Variants in FARP1 observed in about 807,000 individuals in gnomAD.
The protein encoded by FARP1 is FERM, ARH/RhoGEF and pleckstrin domain protein 1.
Under a neutral mutation model 128.8 loss-of-function variants are expected in FARP1, and 52 were observed. The observed-to-expected ratio is 0.40, with a 90% CI of 0.32 to 0.51. FARP1 has a LOEUF of 0.51. FARP1 is among the 20% of genes least tolerant of loss of function. FARP1 has a pLI of 0.45. For missense variants in FARP1, 1,333 were observed against 1,367.9 expected (o/e 0.97, Z 0.40); for synonymous variants, 580 against 551.8 (o/e 1.05, Z -0.72).
intron 2 of FARP1, among the ~76,000 whole-genome samples, chr13:98,235,604 T>C (rs1265039504): frequency 1.3e-5 from 2 of 152,100 alleles, no homozygotes; most frequent in African/African-American, 4.8e-5. Flanking sequence ...AAGCTCACCA[T>C]CTTAATCATT....
At chr13:98,308,008 C>CA (rs1160494693) in intron 2 of FARP1, among the ~76,000 whole-genome samples, 12 of 105,626 alleles carry the variant, frequency 1.1e-4, no homozygotes, top group Non-Finnish European at 1.7e-4. Context: ...CTGCCTGCCC[C>CA]CCTCCGCCCG....
chr13:98,238,043 G>C (rs573924954), intron 2 of FARP1, among the ~76,000 whole-genome samples: 4 of 152,142 alleles, frequency 2.6e-5, no homozygotes, highest in Non-Finnish European at 4.4e-5. Context: ...GAAGGTGAAG[G>C]ATCTAAAGCT....
Position 98,440,041 on chromosome 13 carries a change from C to G in FARP1, c.2514C>G (p.Ala838=), listed in dbSNP as rs753656836. The change falls in exon 22 of 27, where the codon GCC becomes GCG. Residue 838 remains alanine, a splice_region_variant and synonymous_variant. Coordinates refer to ENST00000319562, the MANE Select transcript of FARP1 (RefSeq NM_005766.4). ...RGQRQSIIVA[A]SSRSEMEKWV... ...AGCGGCAGTCCATCATCGTGGCCGCCAGGTAACTCGGGAGCCCGCCCCTTG... is the reference window on the plus strand; with the variant it reads ...AGCGGCAGTCCATCATCGTGGCCGCGAGGTAACTCGGGAGCCCGCCCCTTG... 9 of 1,607,542 alleles carry G rather than the reference C, an allele frequency of 5.6e-6. No individual in the cohort carries two copies. In the East Asian group the frequency reaches 2.0e-4, roughly 36 times the overall value.
chr13:98,170,871 G>T (rs558559370), intron 1 of FARP1, among the ~76,000 whole-genome samples: 1 of 152,142 alleles, frequency 6.6e-6, no homozygotes, highest in Non-Finnish European at 1.5e-5. Context: ...TCTTGAATGC[G>T]TACTGATCTT....
At chr13:98,181,643 T>TGAGA (rs66507306) in intron 1 of FARP1, among the ~76,000 whole-genome samples, 11 of 38,300 alleles carry the variant, frequency 2.9e-4, no homozygotes, top group African/African-American at 1.3e-3. Context: ...TTTATTTATT[T>TGAGA]GAGAGAGAGA....
chr13:98,444,201 C>A (rs1180592515), intron 24 of FARP1, among the ~76,000 whole-genome samples: 1 of 152,146 alleles, frequency 6.6e-6, no homozygotes, highest in Non-Finnish European at 1.5e-5. Flanking sequence ...ATATCCTCTT[C>A]TAAGGACACG....
chr13:98,384,886 C>G (rs773566746), intron 7 of FARP1, 42 bp downstream of exon 7: 1 of 1,227,392 alleles, frequency 8.1e-7, no homozygotes, highest in Non-Finnish European at 1.2e-6. Flanking sequence ...TGAGCCGGTT[C>G]TCTCTGCCTC....
rs564228328 is a variant in FARP1, at chr13:98,450,882, G to T, written c.*2565G>T. 2 of 152,188 alleles carry T rather than the reference G, an allele frequency of 1.3e-5. No homozygotes were observed. The highest frequency in any genetic ancestry group is 2.9e-5 in the Non-Finnish European group (2 of 68,034). The allele number at this position is 152,188 out of a possible 1,614,324, so 9.4% of individuals were successfully genotyped here. On this transcript the variant is annotated 3_prime_UTR_variant, in exon 27 of 27. Coordinates refer to ENST00000319562, the MANE Select transcript of FARP1 (RefSeq NM_005766.4). Reference sequence around the variant, plus strand: ...GGCTGATTTTGTGCGTCTACAGAAAGTAACAGCCCAGGAGAGAATGTACAC... The same window carrying T: ...GGCTGATTTTGTGCGTCTACAGAAATTAACAGCCCAGGAGAGAATGTACAC...
intron 16 of FARP1, among the ~76,000 whole-genome samples, chr13:98,416,315 T>C (rs1404930233): frequency 6.6e-6 from 1 of 152,232 alleles, no homozygotes; most frequent in Non-Finnish European, 1.5e-5. Flanking sequence ...ATATAAGTGA[T>C]CTAGTGAGTG....
chr13:98,424,542 G>C, intron 16 of FARP1, 30 bp from the exon 17 acceptor site: 4 of 1,471,172 alleles, frequency 2.7e-6, no homozygotes, highest in Non-Finnish European at 3.8e-6. Flanking sequence ...CTGATGCTTT[G>C]TATTTCCAAC....
chr13:98,165,115 T>C (rs954398013), intron 1 of FARP1, among the ~76,000 whole-genome samples: 1 of 146,940 alleles, frequency 6.8e-6, no homozygotes, highest in African/African-American at 2.5e-5. Flanking sequence ...CTCTGGAGGC[T>C]GAGGCAAGAG....
intron 2 of FARP1, among the ~76,000 whole-genome samples, chr13:98,334,940 G>A (rs753147927): frequency 3.9e-5 from 6 of 152,184 alleles, no homozygotes; most frequent in East Asian, 1.9e-4. Context: ...CACCCAGTGC[G>A]TAGTGTTTGG....
At chr13:98,370,575 TG>T (rs202104525) in intron 5 of FARP1, among the ~76,000 whole-genome samples, 3,567 of 81,916 alleles carry the variant, frequency 0.044, 154 homozygotes, top group African/African-American at 0.16. Context: ...CTTGAGTGAC[TG>T]GGGGGGAGAT....
At chr13:98,195,694 G>T (rs996007675) in intron 1 of FARP1, among the ~76,000 whole-genome samples, 1 of 152,046 alleles carries the variant, frequency 6.6e-6, no homozygotes, top group Non-Finnish European at 1.5e-5. Context: ...AAGGGAGAAG[G>T]GTTTTAAGAC....
chr13:98,201,155 A>G (rs1879917029), intron 1 of FARP1, among the ~76,000 whole-genome samples: 3 of 152,220 alleles, frequency 2.0e-5, no homozygotes, highest in Non-Finnish European at 2.9e-5. Context: ...AGGAAGAAAC[A>G]GAACAGGCTG....
At chr13:98,190,446 C>G (rs1418000736) in intron 1 of FARP1, among the ~76,000 whole-genome samples, 1 of 152,212 alleles carries the variant, frequency 6.6e-6, no homozygotes, top group Non-Finnish European at 1.5e-5. Context: ...TGTGCTCTCT[C>G]TTATCTTCCA....
At chr13:98,212,138 C>T (rs531951121) in intron 1 of FARP1, among the ~76,000 whole-genome samples, 1 of 152,358 alleles carries the variant, frequency 6.6e-6, no homozygotes, top group South Asian at 2.1e-4. Context: ...TCACTGCAAC[C>T]TCCACCTCCT....
rs34250002 is a variant in FARP1, at chr13:98,151,660, C to CTTTTTTTTTTTTTTTTTTTTTTTTTT, written c.-24+8187_-24+8188insTTTTTTTTTTTTTTTTTTTTTTTTTT. Among the ~76,000 whole-genome samples, 21 of 69,222 alleles carry CTTTTTTTTTTTTTTTTTTTTTTTTTT rather than the reference C, an allele frequency of 3.0e-4. 7 individuals are homozygous for CTTTTTTTTTTTTTTTTTTTTTTTTTT. Among genetic ancestry groups the CTTTTTTTTTTTTTTTTTTTTTTTTTT allele is most frequent in the Non-Finnish European group, 5.3e-4 (19 of 36,156 alleles). The allele number at this position is 69,222 out of a possible 152,430, so 45.4% of individuals were successfully genotyped here. ...AAACCTGCCCTTATATATCTTCCATCTTTTTTTTTTTTTTTTTTTGAGACG... is the reference window on the plus strand; with the variant it reads ...AAACCTGCCCTTATATATCTTCCATCTTTTTTTTTTTTTTTTTTTTTTTTTTTTTTTTTTTTTTTTTTTTTGAGACG... On this transcript the variant is annotated intron_variant, in intron 1 of 26. Coordinates refer to ENST00000319562, the MANE Select transcript of FARP1 (RefSeq NM_005766.4).
At chr13:98,200,464 C>T (rs535362836) in intron 1 of FARP1, among the ~76,000 whole-genome samples, 1 of 146,548 alleles carries the variant, frequency 6.8e-6, no homozygotes, top group South Asian at 2.2e-4. Context: ...AATGAGCTCG[C>T]AGGTGATGTG....
Sources: gnomAD v4.1 joint callset for allele counts (sites outside exome capture counted in the v4.1 genomes callset) on GRCh38, gnomAD v4.1.1 for gene constraint, MANE v1.5 for transcripts, NCBI Gene and HGNC (gene_info 2026-07-23, HGNC 2026-07-21) for gene names.